Variants in DAB1 observed in about 807,000 individuals in gnomAD.
The protein encoded by DAB1 is DAB adaptor protein 1.
Under a neutral mutation model 64.6 loss-of-function variants are expected in DAB1, and 15 were observed. The ratio of observed to expected loss-of-function variants is 0.23; its 90% CI spans 0.16 to 0.36. The LOEUF (loss-of-function observed/expected upper bound fraction) is 0.36, where lower values mean the gene tolerates loss of function less well. Ranked by LOEUF, DAB1 falls within the 10% of genes least tolerant of loss-of-function variation. The probability of loss-of-function intolerance (pLI) is 1.00; values close to 1 mark genes in which losing one functional copy is unlikely to be tolerated. For synonymous variants in DAB1, 235 were observed against 251.9 expected, an observed-to-expected ratio of 0.93 and a Z score of 0.64; for missense variants, 596 against 706.7, an observed-to-expected ratio of 0.84 and a Z score of 1.78.
chr1:57,158,640 A>G (rs748818110), intron 2 of DAB1, among the ~76,000 whole-genome samples: 46 of 152,178 alleles, frequency 3.0e-4, no homozygotes, highest in African/African-American at 1.1e-3. Context: ...CTATCTTGCA[A>G]TTATCCAGGT....
intron 1 of DAB1, among the ~76,000 whole-genome samples, chr1:57,400,931 T>A (rs552135651): frequency 1.3e-5 from 2 of 151,494 alleles, no homozygotes; most frequent in Middle Eastern, 6.8e-3. Context: ...GCAGACCAGC[T>A]TTCCCAGACG....
At chr1:58,288,718 C>T (rs546675624) in intron 4 of DAB1, among the ~76,000 whole-genome samples, 43 of 152,214 alleles carry the variant, frequency 2.8e-4, no homozygotes, top group African/African-American at 8.9e-4. Context: ...CCCTCTTCTC[C>T]TTATATTTTT....
intron 4 of DAB1, among the ~76,000 whole-genome samples, chr1:58,234,110 A>T (rs116098802): frequency 0.017 from 2,535 of 152,320 alleles, 59 homozygotes; most frequent in African/African-American, 0.058. Flanking sequence ...GCTAGGCCCA[A>T]AGTTTACTAT....
At chr1:57,466,449 T>A (rs1449878994) in intron 7 of DAB1, among the ~76,000 whole-genome samples, 1 of 152,214 alleles carries the variant, frequency 6.6e-6, no homozygotes, top group Non-Finnish European at 1.5e-5. Context: ...AGTGTGAGAC[T>A]GTGAGAAAAT....
chr1:57,426,095 A>G (rs76619238), upstream of DAB1, among the ~76,000 whole-genome samples: 1,365 of 152,296 alleles, frequency 9.0e-3, 30 homozygotes, highest in African/African-American at 0.031. Context: ...AAGTTTCTCA[A>G]TGCTTTGAGG....
At chr1:57,165,547 CATT>C (rs1661146602) in intron 2 of DAB1, among the ~76,000 whole-genome samples, 1 of 152,298 alleles carries the variant, frequency 6.6e-6, no homozygotes, top group African/African-American at 2.4e-5. Context: ...CTGGGGCTGC[CATT>C]TATTAAACAT....
chr1:56,995,464 T>C lies in DAB1; in HGVS notation c.*2680A>G, dbSNP rs1645582618. 6.6e-6 allele frequency: 1 copy of C among 152,250 alleles called. No homozygotes were observed. Among genetic ancestry groups the C allele is most frequent in the Non-Finnish European group, 1.5e-5 (1 of 68,052 alleles). 9.4% of individuals were successfully genotyped at this position (152,250 alleles called of 1,614,324 possible). ...GTTGAAAAACTTGACTTTATTTCCC[T>C]TACTTTAATGCATCACTTGGGCATC... On this transcript the variant is annotated 3_prime_UTR_variant, in exon 15 of 15. Transcript: ENST00000371236.
chr1:57,812,142 A>G (rs1651649228), intron 6 of DAB1, among the ~76,000 whole-genome samples: 1 of 152,212 alleles, frequency 6.6e-6, no homozygotes, highest in African/African-American at 2.4e-5. Context: ...GACACATTCC[A>G]TGAAGTAGCC....
intron 7 of DAB1, among the ~76,000 whole-genome samples, chr1:57,547,001 A>C (rs765048619): frequency 4.6e-5 from 7 of 152,056 alleles, no homozygotes; most frequent in Non-Finnish European, 8.8e-5. Context: ...TATTTTTTTT[A>C]ATGAAAACAA....
At chr1:58,302,971 C>T (rs1228793913) in intron 4 of DAB1, among the ~76,000 whole-genome samples, 1 of 152,136 alleles carries the variant, frequency 6.6e-6, no homozygotes, top group Non-Finnish European at 1.5e-5. Flanking sequence ...ATCTGTTCCC[C>T]ACCTTTCCTC....
At chr1:57,033,417 G>A in intron 9 of DAB1, 1 of 1,612,940 alleles carries the variant, frequency 6.2e-7, no homozygotes, top group South Asian at 1.1e-5. Context: ...ATCAAAGTCT[G>A]TGGGCAGGTT....
chr1:58,513,106 T>C (rs1224225401), intron 2 of DAB1, among the ~76,000 whole-genome samples: 1 of 152,104 alleles, frequency 6.6e-6, no homozygotes, highest in Non-Finnish European at 1.5e-5. Flanking sequence ...TCCCCATGTG[T>C]CGAGGGAGGG....
At chr1:57,997,566 T>C (rs1331033771) in intron 5 of DAB1, among the ~76,000 whole-genome samples, 1 of 152,142 alleles carries the variant, frequency 6.6e-6, no homozygotes, top group Non-Finnish European at 1.5e-5. Context: ...TGCTGCAGAC[T>C]CCTACAGATT....
At chr1:57,534,679 T>C (rs751471861) in intron 7 of DAB1, among the ~76,000 whole-genome samples, 1 of 152,314 alleles carries the variant, frequency 6.6e-6, no homozygotes, top group East Asian at 1.9e-4. Flanking sequence ...TTAGAGTCTC[T>C]GGCTTGGTAA....
At chr1:58,451,759 C>A (rs1645139129) in intron 3 of DAB1, among the ~76,000 whole-genome samples, 1 of 151,950 alleles carries the variant, frequency 6.6e-6, no homozygotes. Flanking sequence ...CAGAGGGAAA[C>A]ACAGTTAATG....
chr1:57,595,149 TA>T (rs1041208464), intron 7 of DAB1, among the ~76,000 whole-genome samples: 1 of 152,098 alleles, frequency 6.6e-6, no homozygotes. Flanking sequence ...TTGTTGTTTT[TA>T]AAAAAATCTG....
intron 3 of DAB1, among the ~76,000 whole-genome samples, chr1:58,454,119 G>C (rs1001074728): frequency 2.0e-5 from 3 of 152,038 alleles, no homozygotes; most frequent in Admixed American, 6.6e-5. Flanking sequence ...CACAATTCTG[G>C]GCTTCGACTG....
intron 1 of DAB1, among the ~76,000 whole-genome samples, chr1:57,344,841 C>T (rs545592850): frequency 3.7e-4 from 56 of 152,230 alleles, no homozygotes; most frequent in Non-Finnish European, 6.0e-4. Context: ...ATTTCATCAT[C>T]TGTAAAATGG....
intron 9 of DAB1, among the ~76,000 whole-genome samples, chr1:57,047,567 T>C (rs1186759824): frequency 6.6e-6 from 1 of 152,118 alleles, no homozygotes; most frequent in East Asian, 1.9e-4. Context: ...AAGTTGGTGG[T>C]CTACAACCCC....
Sources: allele counts gnomAD v4.1 joint callset (sites outside exome capture counted in the v4.1 genomes callset), GRCh38; gene constraint gnomAD v4.1.1; transcripts MANE v1.5; gene names NCBI Gene and HGNC (gene_info 2026-07-23, HGNC 2026-07-21).